Variants in KAT6B observed in about 807,000 individuals in gnomAD.
KAT6B encodes the protein histone acetyltransferase KAT6B.
KAT6B carries 10 observed loss-of-function variants against 187.5 expected under a neutral mutation model. The observed-to-expected ratio is 0.05, with a 90% confidence interval of 0.03 to 0.09. The LOEUF is 0.09. KAT6B is among the 10% of genes least tolerant of loss of function. KAT6B has a pLI of 1.00. For synonymous variants in KAT6B, 861 were observed against 926.8 expected (o/e 0.93, Z 1.29); for missense variants, 1,952 against 2,558.9 (o/e 0.76, Z 5.12).
At chr10:74,908,473 G>A (rs971061485) in intron 3 of KAT6B, among the ~76,000 whole-genome samples, 2 of 149,756 alleles carry the variant, frequency 1.3e-5, no homozygotes, top group African/African-American at 4.9e-5. Flanking sequence ...ATGCAGAATC[G>A]CTTGAACCTG....
rs1361111770 is a variant in KAT6B at position 75,021,247 on chromosome 10, G to A, written c.2983G>A (p.Ala995Thr). The A allele has an allele frequency of 6.2e-7, 1 of 1,614,224 alleles. No homozygotes were observed. The highest frequency in any genetic ancestry group is 8.5e-7 in the Non-Finnish European group (1 of 1,180,040). ...LRWTPILISN[A>T]AVSEEEREAE... The stretch of plus-strand genomic sequence containing the variant: ...GTGGACCCCAATTTTAATTTCTAAT[G>A]CTGCAGTGTCTGAAGAAGAGCGAGA... Residue 995 changes from alanine to threonine, a missense_variant, in exon 15 of 18, where the codon GCT (alanine) becomes ACT (threonine). This residue lies in a region of KAT6B where 758 missense variants were observed against 891.4 expected (regional missense o/e 0.85). Coordinates refer to ENST00000287239, the MANE Select transcript of KAT6B (RefSeq NM_012330.4).
intron 3 of KAT6B, among the ~76,000 whole-genome samples, chr10:74,905,162 A>G (rs1031173274): frequency 6.6e-6 from 1 of 152,246 alleles, no homozygotes; most frequent in Admixed American, 6.5e-5. Context: ...GGAATTTGAC[A>G]GTACAAAAAA....
At chr10:74,910,115 C>A (rs1168181650) in intron 3 of KAT6B, among the ~76,000 whole-genome samples, 5 of 145,454 alleles carry the variant, frequency 3.4e-5, no homozygotes, top group African/African-American at 1.4e-4. Flanking sequence ...CATGGAGAAG[C>A]CCCATCTCTA....
intron 3 of KAT6B, among the ~76,000 whole-genome samples, chr10:74,878,243 C>G (rs1844567526): frequency 6.6e-6 from 1 of 152,158 alleles, no homozygotes; most frequent in Non-Finnish European, 1.5e-5. Context: ...CAGTCAGTGA[C>G]TTATGAAATA....
intron 3 of KAT6B, among the ~76,000 whole-genome samples, chr10:74,854,111 C>G (rs1157470157): frequency 6.6e-6 from 1 of 152,210 alleles, no homozygotes; most frequent in African/African-American, 2.4e-5. Context: ...TTTGATCTCT[C>G]CAATCTATTA....
intron 3 of KAT6B, among the ~76,000 whole-genome samples, chr10:74,922,937 C>T (rs545481902): frequency 2.6e-5 from 4 of 152,124 alleles, no homozygotes; most frequent in Admixed American, 6.5e-5. Flanking sequence ...GCAAAATTGC[C>T]GTGGATGGTC....
chr10:75,030,544 T>C lies in KAT6B; in HGVS notation c.5720T>C (p.Ile1907Thr). Residue 1907 changes from isoleucine (I) to threonine (T), a missense_variant, in exon 18 of 18, where the codon ATC (isoleucine) becomes ACC (threonine). Physicochemically the swap from Ile to Thr is moderately conservative, Grantham distance 89. Transcript: ENST00000287239. This position sits in a 1 kb window ranked among gnomAD's most constrained non-coding sequence, Gnocchi z 4.8. The stretch of plus-strand genomic sequence containing the variant: ...AACATGGCTGCATCAAATATTGGCA[T>C]CTCTCACAGCCAAAGACTGCAAACC... Reference protein sequence around the residue: ...QRNMAASNIGISHSQRLQTQI... With the variant: ...QRNMAASNIGTSHSQRLQTQI... The C allele has an allele frequency of 6.2e-7, 1 of 1,607,488 alleles. No individual in the cohort carries two copies. The highest frequency in any genetic ancestry group is 8.5e-7 in the Non-Finnish European group (1 of 1,174,906).
chr10:74,906,197 C>T (rs1319478975), intron 3 of KAT6B, among the ~76,000 whole-genome samples: 1 of 152,044 alleles, frequency 6.6e-6, no homozygotes, highest in East Asian at 1.9e-4. Context: ...GTCAGGAGTT[C>T]GAGACCAGCC....
rs764014758 is a variant in KAT6B, at chr10:74,843,016, C to T, written c.159C>T (p.Leu53=). Residue 53 remains leucine, a synonymous_variant, in exon 3 of 18, where the codon CTC becomes CTT. Coordinates refer to ENST00000287239, the MANE Select transcript of KAT6B (RefSeq NM_012330.4). ...AGACAGTCTCTGAACAGCTGGAACT[C>T]AGTGTTCAGGATGGCTCAGTTCTCA... ...DKKTVSEQLE[L]SVQDGSVLKV... 9.9e-6 allele frequency: 16 copies of T among 1,614,170 alleles called. No individual in the cohort carries two copies. In the South Asian group the frequency reaches 1.8e-4, roughly 18 times the overall value.
intron 3 of KAT6B, among the ~76,000 whole-genome samples, chr10:74,874,024 T>G (rs1459494157): frequency 6.6e-6 from 1 of 151,170 alleles, no homozygotes; most frequent in Non-Finnish European, 1.5e-5. Flanking sequence ...CTATCAGCAT[T>G]AAAGAAAAAA....
At chr10:75,010,731 C>T (rs985950009) in intron 13 of KAT6B, among the ~76,000 whole-genome samples, 2 of 152,204 alleles carry the variant, frequency 1.3e-5, no homozygotes, top group Admixed American at 6.5e-5. Context: ...CCTCCACCAT[C>T]GGTCTGTGGG....
At chr10:75,008,958 A>G (rs1216902238) in intron 13 of KAT6B, among the ~76,000 whole-genome samples, 2 of 152,180 alleles carry the variant, frequency 1.3e-5, no homozygotes, top group Non-Finnish European at 2.9e-5. Context: ...CTGTATCTCA[A>G]TCTCCATTCT....
chr10:74,976,748 C>T (rs1842190134), intron 8 of KAT6B: 2 of 304,722 alleles, frequency 6.6e-6, no homozygotes, highest in Non-Finnish European at 1.3e-5. Flanking sequence ...CTTCCCTCTG[C>T]TCCATTGCTT....
At chr10:74,989,253 TTAGAACATCTTCCTCAAGTGAAAAATG>T (rs1842984874) in intron 13 of KAT6B, 141 bp downstream of exon 13, 1 of 688,632 alleles carries the variant, frequency 1.5e-6, no homozygotes, top group African/African-American at 1.8e-5. Context: ...TTTACATAGG[TTAGAACATCTTCCTCAAGTGAAAAATG>T]TACTGCTGCT....
intron 6 of KAT6B, among the ~76,000 whole-genome samples, chr10:74,970,796 C>T (rs1841800006): frequency 6.6e-6 from 1 of 152,188 alleles, no homozygotes; most frequent in South Asian, 2.1e-4. Context: ...TCTGCCTTCA[C>T]ATACCCTTTG....
At chr10:74,989,764 GT>G (rs989189568) in intron 13 of KAT6B, among the ~76,000 whole-genome samples, 11 of 148,910 alleles carry the variant, frequency 7.4e-5, no homozygotes, top group Non-Finnish European at 1.2e-4. Flanking sequence ...AAAAATGGTA[GT>G]TTTTTTTTTC....
chr10:75,020,654 C>T lies in KAT6B; in HGVS notation c.2702C>T (p.Ser901Phe). 6.2e-7 allele frequency: 1 copy of T among 1,614,234 alleles called. No homozygotes were observed. ...EKPLSDLGRL[S>F]YLAYWKSVIL... Reference sequence around the variant, plus strand: ...CCTCTCTCCGATCTGGGCCGTCTCTCCTACCTGGCATATTGGAAGAGCGTC... The same window carrying T: ...CCTCTCTCCGATCTGGGCCGTCTCTTCTACCTGGCATATTGGAAGAGCGTC... Residue 901 changes from serine (S) to phenylalanine (F), a missense_variant, in exon 14 of 18, where the codon TCC becomes TTC. Coordinates refer to ENST00000287239, the MANE Select transcript of KAT6B (RefSeq NM_012330.4).
chr10:75,025,728 G>A (rs189810613), intron 17 of KAT6B: 2 of 172,890 alleles, frequency 1.2e-5, no homozygotes, highest in African/African-American at 4.8e-5. Context: ...CTACTATAAA[G>A]ATTCATCTAA....
chr10:74,963,035 C>T (rs1841212731), intron 4 of KAT6B, among the ~76,000 whole-genome samples: 1 of 152,134 alleles, frequency 6.6e-6, no homozygotes, highest in Non-Finnish European at 1.5e-5. Context: ...AGAATGTCTG[C>T]ACCCTCCATC....
Sources: allele counts gnomAD v4.1 joint callset (sites outside exome capture counted in the v4.1 genomes callset), GRCh38; gene constraint gnomAD v4.1.1; regional missense constraint gnomAD v4.1.1; non-coding constraint Gnocchi (gnomAD v3.1); transcripts MANE v1.5; gene names NCBI Gene and HGNC (gene_info 2026-07-23, HGNC 2026-07-21).